ABCD4: variants seen among roughly 807,000 people sequenced by gnomAD.
ABCD4 encodes lysosomal cobalamin transporter ABCD4.
In ABCD4, 53 loss-of-function variants were observed where a neutral mutation model predicts 86.3. The ratio of observed to expected loss-of-function variants is 0.61; its 90% confidence interval spans 0.49 to 0.77. The LOEUF is 0.77. ABCD4 is among the 30% of genes least tolerant of loss of function. The pLI is 0.00. For synonymous variants in ABCD4, 328 were observed against 313.6 expected, an observed-to-expected ratio of 1.05 and a Z score of -0.49; for missense variants, 757 against 764.5, an observed-to-expected ratio of 0.99 and a Z score of 0.12.
At position 74,286,193 on chromosome 14, in the gene ABCD4, G is replaced by T. The variant is rs2079697487; in HGVS notation, c.*268C>A. The T allele has an allele frequency of 2.7e-6, 1 of 372,958 alleles. No homozygotes were observed. The highest frequency in any genetic ancestry group is 4.4e-5 in the East Asian group (1 of 22,614). 23.1% of individuals were successfully genotyped at this position (372,958 alleles called of 1,614,324 possible). ...TAGCAAACATGATCTGAAATCATTT[G>T]TAGGTAATCAGCACTTCAAGCATAT... is the stretch of plus-strand genomic sequence containing the variant. On this transcript the variant is annotated 3_prime_UTR_variant, in exon 19 of 19. Transcript: ENST00000356924.
At chr14:74,288,172 G>A (rs201957796) in intron 16 of ABCD4, 35 bp downstream of exon 16, 4 of 1,607,814 alleles carry the variant, frequency 2.5e-6, no homozygotes, top group Non-Finnish European at 3.4e-6. Context: ...CTTTATGGTG[G>A]GGCTATCTCT....
chr14:74,288,937 C>T (rs1476924338), intron 14 of ABCD4, 172 bp from the exon 15 acceptor site: 15 of 950,040 alleles, frequency 1.6e-5, no homozygotes, highest in South Asian at 7.1e-5. Context: ...CATGGTGAAA[C>T]GCTGTCTCTA....
At chr14:74,297,887 A>G (rs1388665364) in intron 4 of ABCD4, 43 bp downstream of exon 4, 1 of 1,568,148 alleles carries the variant, frequency 6.4e-7, no homozygotes, top group South Asian at 1.2e-5. Flanking sequence ...CCAGAAGGAA[A>G]GGACCACACA....
intron 3 of ABCD4, 29 bp from the exon 4 acceptor site, chr14:74,298,098 G>T: frequency 6.2e-7 from 1 of 1,608,350 alleles, no homozygotes; most frequent in South Asian, 1.1e-5. Context: ...AAGGGGAAGG[G>T]AGAGATGGCT....
chr14:74,290,568 C>T, intron 11 of ABCD4, 69 bp from the exon 12 acceptor site: 2 of 1,227,286 alleles, frequency 1.6e-6, no homozygotes, highest in Non-Finnish European at 2.4e-6. Context: ...GGAGGCACTG[C>T]TCCCGGGAGC....
chr14:74,301,311 CA>C (rs1243167936), intron 1 of ABCD4, among the ~76,000 whole-genome samples: 1 of 151,926 alleles, frequency 6.6e-6, no homozygotes, highest in Non-Finnish European at 1.5e-5. Context: ...GGGCGTGCGT[CA>C]ACACGCTCAG....
chr14:74,288,105 T>C (rs1220252906), intron 16 of ABCD4, 102 bp downstream of exon 16: 21 of 1,358,182 alleles, frequency 1.5e-5, no homozygotes, highest in Non-Finnish European at 1.9e-5. Context: ...GCCAAACATC[T>C]GGACTTTGGG....
chr14:74,300,019 T>G, intron 2 of ABCD4, 131 bp downstream of exon 2: 1 of 611,618 alleles, frequency 1.6e-6, no homozygotes, highest in Non-Finnish European at 2.8e-6. Flanking sequence ...GCTGAGATTA[T>G]GTCACTGCAC....
rs35417609 is a variant in ABCD4 at position 74,299,638 on chromosome 14, A to G, written c.195T>C (p.Ser65=). Residue 65 remains serine, a synonymous_variant, in exon 3 of 19, where the codon AGT becomes AGC. Coordinates refer to ENST00000356924, the MANE Select transcript of ABCD4 (RefSeq NM_005050.4). ...FVIYQVGLIP[S]QYYGVLGNKD... ...TGTTTCCCAGGACCCCATAGTACTGACTGGGGATCAAGCCAACCTGGTAGA... is the reference window on the plus strand; with the variant it reads ...TGTTTCCCAGGACCCCATAGTACTGGCTGGGGATCAAGCCAACCTGGTAGA... 2,701 of 1,613,738 alleles carry G rather than the reference A, an allele frequency of 1.7e-3. 45 individuals are homozygous for G. In the African/African-American group the frequency reaches 0.031, roughly 19 times the overall value.
chr14:74,296,498 G>A, intron 4 of ABCD4, 49 bp from the exon 5 acceptor site: 2 of 1,556,098 alleles, frequency 1.3e-6, no homozygotes, highest in African/African-American at 1.4e-5. Context: ...TGGGCCCAAA[G>A]GTAGAGAGAA....
intron 16 of ABCD4, 96 bp from the exon 17 acceptor site, chr14:74,287,982 G>T: frequency 1.6e-6 from 2 of 1,249,318 alleles, no homozygotes; most frequent in Admixed American, 2.0e-5. Flanking sequence ...TCTCTGCACA[G>T]AGGTGAGCCC....
intron 7 of ABCD4, chr14:74,293,884 G>A (rs74063822): frequency 0.015 from 2,292 of 152,322 alleles, 59 homozygotes; most frequent in African/African-American, 0.052. Context: ...CTCTCCAGAG[G>A]AGGTGATCTG....
Position 74,290,039 on chromosome 14 carries a change from GGTCCC to G in ABCD4, c.1402_1406del (p.Gly468ProfsTer21). 6.2e-7 allele frequency: 1 copy of G among 1,614,160 alleles called. No individual in the cohort carries two copies. Among genetic ancestry groups the G allele is most frequent in the Non-Finnish European group, 8.5e-7 (1 of 1,180,030 alleles). On this transcript the variant is annotated frameshift_variant, in exon 13 of 19. Transcript: ENST00000356924. LOFTEE classifies it high-confidence loss of function. ...GAACTAGACTGACCTGCTCCCGAAG[GGTCCC>G]GTCAGTGAAGAATGGCTTTTGTGGC...
intron 16 of ABCD4, 70 bp from the exon 17 acceptor site, chr14:74,287,956 T>C: frequency 6.9e-7 from 1 of 1,444,846 alleles, no homozygotes; most frequent in Non-Finnish European, 9.6e-7. Context: ...TAGAATGGTC[T>C]GGGTAGGAAG....
chr14:74,300,326 G>T, intron 1 of ABCD4, 58 bp from the exon 2 acceptor site: 2 of 1,149,056 alleles, frequency 1.7e-6, no homozygotes, highest in Non-Finnish European at 2.6e-6. Flanking sequence ...GCCTTAGGGA[G>T]TAGTTATTAA....
intron 3 of ABCD4, 109 bp downstream of exon 3, chr14:74,299,439 C>T: frequency 2.9e-6 from 4 of 1,394,674 alleles, no homozygotes; most frequent in Non-Finnish European, 3.9e-6. Context: ...AGGGAGGAAA[C>T]ACACCCCCAC....
In ABCD4 at chr14:74,290,478, T is replaced by C. The variant is rs979042752; in HGVS notation, c.1140A>G (p.Ala380=). ...GLDTPPGWPA[A]EPADTAFLLE... is the part of the protein sequence containing the mutation. ...GGAGAAATGCTGTGTCTGCTGGCTC[T>C]GCCGCTGGCCACCCTGGGGGTCTGT... is the stretch of plus-strand genomic sequence containing the variant. The change falls in exon 12 of 19, where the codon GCA becomes GCG. Residue 380 remains alanine (A), a synonymous_variant. Coordinates refer to ENST00000356924, the MANE Select transcript of ABCD4 (RefSeq NM_005050.4). The C allele has an allele frequency of 1.2e-6, 2 of 1,613,722 alleles. No homozygotes were observed. Among genetic ancestry groups the C allele is most frequent in the African/African-American group, 1.3e-5 (1 of 74,994 alleles).
intron 14 of ABCD4, 108 bp from the exon 15 acceptor site, chr14:74,288,873 G>A (rs1810661279): frequency 5.8e-6 from 8 of 1,384,986 alleles, no homozygotes; most frequent in Non-Finnish European, 7.8e-6. Flanking sequence ...CAACACTTTG[G>A]GAGGCCGAGG....
At chr14:74,296,267 T>G in intron 5 of ABCD4, 66 bp downstream of exon 5, 2 of 1,504,144 alleles carry the variant, frequency 1.3e-6, no homozygotes, top group Non-Finnish European at 1.8e-6. Flanking sequence ...TCTTGGACCT[T>G]GACCTGGGAG....
Sources: gnomAD v4.1 joint callset for allele counts (sites outside exome capture counted in the v4.1 genomes callset) on GRCh38, gnomAD v4.1.1 for gene constraint, MANE v1.5 for transcripts, NCBI Gene and HGNC (gene_info 2026-07-23, HGNC 2026-07-21) for gene names.